TNRC6C: variants seen among roughly 807,000 people sequenced by gnomAD.
TNRC6C encodes trinucleotide repeat containing adaptor 6C, also known as trinucleotide repeat-containing gene 6C protein.
In TNRC6C, 20 loss-of-function variants were observed where a neutral mutation model predicts 153.7. The observed-to-expected ratio is 0.13, with a 90% CI of 0.09 to 0.19. The LOEUF (loss-of-function observed/expected upper bound fraction) is 0.19. TNRC6C is among the 10% of genes least tolerant of loss of function. The pLI, the probability that TNRC6C is intolerant of heterozygous loss-of-function variation, is 1.00. For synonymous variants in TNRC6C, 811 were observed against 841.4 expected (o/e 0.96, Z 0.63); for missense variants, 1,987 against 2,172.0 (o/e 0.91, Z 1.69).
At chr17:78,007,139 C>G (rs2071534696) in intron 1 of TNRC6C, among the ~76,000 whole-genome samples, 1 of 152,178 alleles carries the variant, frequency 6.6e-6, no homozygotes, top group Admixed American at 6.5e-5. Flanking sequence ...GCCACCGCAC[C>G]TGGCCTCTGT....
exon 2 of TNRC6C, chr17:78,031,791 C>T (rs1362434188): frequency 8.1e-7 from 1 of 1,232,164 alleles, no homozygotes; most frequent in African/African-American, 1.6e-5. Context: ...GGTAAGCCCA[C>T]CTCCCCTACC....
At chr17:78,078,807 A>G (rs1369781291) in intron 9 of TNRC6C, among the ~76,000 whole-genome samples, 1 of 152,020 alleles carries the variant, frequency 6.6e-6, no homozygotes, top group Non-Finnish European at 1.5e-5. Context: ...TCTACTAAAA[A>G]CACAAAAATT....
intron 11 of TNRC6C, 28 bp from the exon 14 acceptor site, chr17:78,086,475 C>T (rs2144499519): frequency 6.3e-7 from 1 of 1,585,960 alleles, no homozygotes; most frequent in Non-Finnish European, 8.6e-7. Flanking sequence ...AATTATCATA[C>T]TATTTTAACT....
intron 17 of TNRC6C, 46 bp downstream of exon 20, chr17:78,098,583 G>A (rs1254214631): frequency 1.3e-6 from 2 of 1,570,278 alleles, no homozygotes; most frequent in Non-Finnish European, 1.7e-6. Context: ...TTACCCTTTA[G>A]GGGATGTGCT....
chr17:77,958,441 G>A (rs917911926), upstream of TNRC6C, among the ~76,000 whole-genome samples: 2 of 152,092 alleles, frequency 1.3e-5, no homozygotes, highest in African/African-American at 4.8e-5. Context: ...TCCCCGCGCG[G>A]TGCAGGGAAC....
At chr17:78,067,817 G>C in exon 5 of TNRC6C, 1 of 1,614,012 alleles carries the variant, frequency 6.2e-7, no homozygotes, top group East Asian at 2.2e-5. Context: ...CTCAGTACCA[G>C]CCAGTGGGAG....
At chr17:78,088,209 A>G (rs2073331246) in intron 13 of TNRC6C, among the ~76,000 whole-genome samples, 1 of 152,156 alleles carries the variant, frequency 6.6e-6, no homozygotes, top group Non-Finnish European at 1.5e-5. Flanking sequence ...TATGAGATTG[A>G]TAAATACTAG....
chr17:78,051,530 C>T (rs186000598), intron 3 of TNRC6C, 82 bp downstream of exon 5: 44 of 1,286,152 alleles, frequency 3.4e-5, no homozygotes, highest in Middle Eastern at 5.0e-4. Context: ...ATGAATACTC[C>T]GAGTAGTGTT....
intron 2 of TNRC6C, among the ~76,000 whole-genome samples, chr17:78,033,813 C>G (rs1293305552): frequency 6.6e-6 from 1 of 152,126 alleles, no homozygotes; most frequent in African/African-American, 2.4e-5. Flanking sequence ...GAAATTCATT[C>G]TTGACTCCCA....
rs2073148442 is a variant in TNRC6C, at chr17:78,079,875, G to A, written c.3357+334G>A. Among the ~76,000 whole-genome samples the A allele has an allele frequency of 6.6e-6, 1 of 152,076 alleles. No homozygotes were observed. Among genetic ancestry groups the A allele is most frequent in the Admixed American group, 6.6e-5 (1 of 15,262 alleles). ...ATGTGCTTTTGTCCCAGTCTTTGTC[G>A]AGAAAATTATTCAGGTGAACCCAGT... On this transcript the variant is annotated intron_variant, in intron 10 of 19. Transcript: ENST00000301624. This position sits in a 1 kb window ranked among gnomAD's most constrained non-coding sequence, Gnocchi z 4.3.
intron 1 of TNRC6C, among the ~76,000 whole-genome samples, chr17:77,994,328 G>C (rs1339935795): frequency 1.3e-5 from 2 of 152,188 alleles, no homozygotes; most frequent in Non-Finnish European, 2.9e-5. Flanking sequence ...CAAGGGACTG[G>C]GTGGATGGTG....
chr17:78,049,651 A>G lies in TNRC6C; in HGVS notation c.589A>G (p.Ile197Val). 1.9e-6 allele frequency: 3 copies of G among 1,613,890 alleles called. No homozygotes were observed. In the South Asian group the frequency reaches 3.3e-5, roughly 18 times the overall value. The change falls in exon 3 of 20, where the codon ATC (isoleucine) becomes GTC (valine). Residue 197 changes from isoleucine to valine, a missense_variant. Physicochemically the swap from Ile to Val is conservative, Grantham distance 29. Coordinates refer to ENST00000301624, the Ensembl canonical transcript of TNRC6C. The surrounding 1 kb of genome is among the most constrained non-coding windows in gnomAD (Gnocchi z 4.1). Reference sequence around the variant, plus strand: ...CCCCATGAACTCTTCACCCAACCCTATCAATGCAATGCAGACAAATGGACT... The same window carrying G: ...CCCCATGAACTCTTCACCCAACCCTGTCAATGCAATGCAGACAAATGGACT...
chr17:77,995,052 G>A (rs1044909918), intron 1 of TNRC6C, among the ~76,000 whole-genome samples: 1 of 152,202 alleles, frequency 6.6e-6, no homozygotes, highest in Non-Finnish European at 1.5e-5. Context: ...TGACTGTCAA[G>A]AATTGTTAAC....
At chr17:77,982,057 CTTCT>C (rs2071086435) in intron 1 of TNRC6C, among the ~76,000 whole-genome samples, 2 of 152,146 alleles carry the variant, frequency 1.3e-5, no homozygotes, top group South Asian at 2.1e-4. Flanking sequence ...AGAGTTCTTG[CTTCT>C]TTCTGTCTAC....
intron 1 of TNRC6C, among the ~76,000 whole-genome samples, chr17:77,962,217 G>A (rs1598634266): frequency 1.3e-5 from 2 of 152,172 alleles, no homozygotes; most frequent in Non-Finnish European, 2.9e-5. Flanking sequence ...CTTTGGCATC[G>A]TAGAAGTTCA....
At chr17:77,962,384 A>G (rs1027992752) in intron 1 of TNRC6C, among the ~76,000 whole-genome samples, 3 of 152,190 alleles carry the variant, frequency 2.0e-5, no homozygotes, top group Non-Finnish European at 4.4e-5. Context: ...GATACTTAAG[A>G]TTTTATAAGA....
intron 2 of TNRC6C, among the ~76,000 whole-genome samples, chr17:78,044,092 T>G (rs998362495): frequency 1.3e-5 from 2 of 152,206 alleles, no homozygotes; most frequent in African/African-American, 4.8e-5. Context: ...GTAGTATAAC[T>G]TATTATCAAA....
At chr17:78,004,179 G>A (rs543862534), upstream of TNRC6C, 41 of 1,231,572 alleles carry the variant, frequency 3.3e-5, no homozygotes, top group East Asian at 1.3e-3. Context: ...GGGAGAAAGA[G>A]CAAGAAACAC....
At chr17:78,091,370 T>C (rs2073390691) in intron 13 of TNRC6C, 70 bp from the exon 16 acceptor site, 6 of 1,415,758 alleles carry the variant, frequency 4.2e-6, no homozygotes, top group South Asian at 3.3e-5. Flanking sequence ...TGAAATAGCT[T>C]CTATAGGAGA....
Sources: allele counts gnomAD v4.1 joint callset (sites outside exome capture counted in the v4.1 genomes callset), GRCh38; gene constraint gnomAD v4.1.1; non-coding constraint Gnocchi (gnomAD v3.1); transcripts MANE v1.5; gene names NCBI Gene and HGNC (gene_info 2026-07-23, HGNC 2026-07-21).